CCDC91: variants seen among roughly 807,000 people sequenced by gnomAD.
CCDC91 encodes the protein coiled-coil domain containing 91.
CCDC91 carries 48 observed loss-of-function variants against 63.2 expected under a neutral mutation model. The observed-to-expected ratio is 0.76, with a 90% CI of 0.60 to 0.97. The LOEUF is 0.97. Ranked by LOEUF, CCDC91 falls within the 50% of genes least tolerant of loss-of-function variation. The pLI is 0.00. For missense variants in CCDC91, 500 were observed against 494.6 expected (o/e 1.01, Z -0.10); for synonymous variants, 167 against 165.8 (o/e 1.01, Z -0.06).
At chr12:28,356,982 G>A (rs1055538982) in intron 6 of CCDC91, among the ~76,000 whole-genome samples, 1 of 152,148 alleles carries the variant, frequency 6.6e-6, no homozygotes, top group African/African-American at 2.4e-5. Context: ...TGTAGCAGAG[G>A]ATCCTGTTGC....
At chr12:28,218,954 T>C (rs115274061) in intron 1 of CCDC91, among the ~76,000 whole-genome samples, 2,248 of 152,314 alleles carry the variant, frequency 0.015, 68 homozygotes, top group African/African-American at 0.051. Flanking sequence ...ATGTTTTCTC[T>C]TAGGTCAATA....
intron 7 of CCDC91, among the ~76,000 whole-genome samples, chr12:28,368,530 C>T (rs1944415546): frequency 6.6e-6 from 1 of 152,108 alleles, no homozygotes; most frequent in African/African-American, 2.4e-5. Context: ...TTTTTCTAGC[C>T]TTTATTTAAT....
chr12:28,356,258 T>TA (rs1943519273), intron 6 of CCDC91, among the ~76,000 whole-genome samples: 1 of 152,200 alleles, frequency 6.6e-6, no homozygotes, highest in Non-Finnish European at 1.5e-5. Flanking sequence ...ATGGCTCCTT[T>TA]AGGAAAAACA....
At chr12:28,367,438 C>T (rs569749289) in intron 7 of CCDC91, among the ~76,000 whole-genome samples, 4 of 152,102 alleles carry the variant, frequency 2.6e-5, no homozygotes, top group Admixed American at 6.5e-5. Flanking sequence ...TTACCCAATT[C>T]GAACAGTATA....
At chr12:28,406,812 T>G (rs888119833) in intron 8 of CCDC91, among the ~76,000 whole-genome samples, 1 of 151,786 alleles carries the variant, frequency 6.6e-6, no homozygotes, top group African/African-American at 2.4e-5. Context: ...TTTTAACTAT[T>G]TTTTTTTGAA....
chr12:28,517,763 G>T (rs1008368493), intron 12 of CCDC91, among the ~76,000 whole-genome samples: 31 of 151,812 alleles, frequency 2.0e-4, no homozygotes, highest in Admixed American at 6.6e-4. Context: ...CACCCAATTT[G>T]TAGTCTTTTA....
chr12:28,271,924 A>T (rs1223620915), intron 3 of CCDC91, among the ~76,000 whole-genome samples: 1 of 149,180 alleles, frequency 6.7e-6, no homozygotes, highest in Non-Finnish European at 1.5e-5. Flanking sequence ...TATAGATATT[A>T]TATATATAAG....
chr12:28,515,074 A>T (rs1291467691), intron 12 of CCDC91, among the ~76,000 whole-genome samples: 1 of 151,930 alleles, frequency 6.6e-6, no homozygotes, highest in South Asian at 2.1e-4. Flanking sequence ...AGATAGGTCA[A>T]ATACTCTACC....
chr12:28,191,383 T>C (rs1397727066), intron 1 of CCDC91: 1 of 152,208 alleles, frequency 6.6e-6, no homozygotes, highest in Non-Finnish European at 1.5e-5. Context: ...TTGATGAGAG[T>C]TGGGGCAGAG....
intron 12 of CCDC91, among the ~76,000 whole-genome samples, chr12:28,524,415 A>G (rs1015529826): frequency 1.3e-5 from 2 of 152,038 alleles, no homozygotes; most frequent in Non-Finnish European, 2.9e-5. Flanking sequence ...ATTGACTTGC[A>G]TATGTTAAAC....
intron 8 of CCDC91, among the ~76,000 whole-genome samples, chr12:28,399,343 A>G (rs1946478268): frequency 6.6e-6 from 1 of 152,168 alleles, no homozygotes; most frequent in African/African-American, 2.4e-5. Context: ...GAACAGCATG[A>G]GGGTAACTGC....
intron 12 of CCDC91, among the ~76,000 whole-genome samples, chr12:28,542,195 T>C (rs534013481): frequency 1.3e-5 from 2 of 152,046 alleles, no homozygotes; most frequent in Non-Finnish European, 2.9e-5. Flanking sequence ...TTTGGTAGTT[T>C]GGGGTAAAAA....
intron 12 of CCDC91, among the ~76,000 whole-genome samples, chr12:28,510,236 C>CGTGTGTGTGTGTGTGTGTGGGTGTGT (rs567113847): frequency 7.4e-6 from 1 of 135,944 alleles, no homozygotes; most frequent in Non-Finnish European, 1.5e-5. Context: ...GTCAATAGGG[C>CGTGTGTGTGTGTGTGTGTGGGTGTGT]ATGTGTGTGT....
At chr12:28,203,667 A>G (rs531627928) in intron 1 of CCDC91, among the ~76,000 whole-genome samples, 3 of 152,342 alleles carry the variant, frequency 2.0e-5, no homozygotes, top group East Asian at 3.9e-4. Flanking sequence ...ACATGTAGAA[A>G]AAGTTGAATT....
At chr12:28,508,136 C>T (rs563047265) in intron 12 of CCDC91, among the ~76,000 whole-genome samples, 153 of 151,852 alleles carry the variant, frequency 1.0e-3, no homozygotes, top group Non-Finnish European at 1.7e-3. Flanking sequence ...CTGAGTAGTG[C>T]GCCACAGGCC....
At chr12:28,451,443 A>T (rs1288206570) in intron 10 of CCDC91, among the ~76,000 whole-genome samples, 1 of 151,672 alleles carries the variant, frequency 6.6e-6, no homozygotes, top group Non-Finnish European at 1.5e-5. Flanking sequence ...TTAAGAACAA[A>T]ATGGAAAGTA....
intron 8 of CCDC91, among the ~76,000 whole-genome samples, chr12:28,447,236 AATAT>A (rs1426598737): frequency 6.6e-6 from 1 of 152,128 alleles, no homozygotes; most frequent in East Asian, 1.9e-4. Flanking sequence ...AGAATGGTAA[AATAT>A]ATATTAAATT....
intron 7 of CCDC91, among the ~76,000 whole-genome samples, chr12:28,369,823 T>G (rs1944498964): frequency 6.6e-6 from 1 of 152,194 alleles, no homozygotes; most frequent in Non-Finnish European, 1.5e-5. Flanking sequence ...GGCTTGGGGC[T>G]TACACCCTCT....
At chr12:28,503,259 C>T (rs947326742) in intron 12 of CCDC91, among the ~76,000 whole-genome samples, 2 of 152,112 alleles carry the variant, frequency 1.3e-5, no homozygotes, top group African/African-American at 4.8e-5. Context: ...ACAACCCCAT[C>T]AAAAAGTGGG....
Sources: allele counts gnomAD v4.1 joint callset (sites outside exome capture counted in the v4.1 genomes callset), GRCh38; gene constraint gnomAD v4.1.1; transcripts MANE v1.5; gene names NCBI Gene and HGNC (gene_info 2026-07-23, HGNC 2026-07-21).